HLF: variants seen among roughly 807,000 people sequenced by gnomAD.
HLF encodes HLF transcription factor, PAR bZIP family member.
A neutral mutation model predicts 22.6 loss-of-function variants in HLF; 3 were observed. The ratio of observed to expected loss-of-function variants is 0.13; its 90% CI spans 0.06 to 0.34. HLF has a LOEUF of 0.34. HLF is among the 10% of genes least tolerant of loss of function. HLF has a pLI of 1.00. For synonymous variants in HLF, 151 were observed against 151.8 expected (o/e 0.99, Z 0.04); for missense variants, 299 against 389.2 (o/e 0.77, Z 1.95).
At chr17:55,284,444 A>C (rs2080982700) in intron 2 of HLF, among the ~76,000 whole-genome samples, 1 of 152,194 alleles carries the variant, frequency 6.6e-6, no homozygotes, top group Admixed American at 6.5e-5. Flanking sequence ...TGAGCTCTGC[A>C]TACGGTTAAC....
In HLF at chr17:55,305,019, T is replaced by C. The variant is rs1050010395; in HGVS notation, c.452-10208T>C. Among the ~76,000 whole-genome samples the C allele has an allele frequency of 2.0e-5, 3 of 152,236 alleles. No individual in the cohort carries two copies. The East Asian group carries it at 5.8e-4, about 29-fold the overall frequency. ...TGAAACAGGGTTCAAAATGTCTGTC[T>C]GCCCAAACCAAACGTTAATTTGCAT... On this transcript the variant is annotated intron_variant, in intron 2 of 3. Transcript: ENST00000226067.
At chr17:55,298,412 T>C (rs1234778831) in intron 2 of HLF, among the ~76,000 whole-genome samples, 1 of 152,210 alleles carries the variant, frequency 6.6e-6, no homozygotes, top group East Asian at 1.9e-4. Context: ...TTCATATATA[T>C]GGTCTGTTTA....
Position 55,309,834 on chromosome 17 carries a change from A to G in HLF, c.452-5393A>G, listed in dbSNP as rs1055708843. ...CATCAGAAAGATTGGAGGTGTTGCA[A>G]TTAGCCTTTAGGATGAAATAATAAG... On this transcript the variant is annotated intron_variant, in intron 2 of 3. Coordinates refer to ENST00000226067, the MANE Select transcript of HLF (RefSeq NM_002126.5). Among the ~76,000 whole-genome samples the G allele has an allele frequency of 5.3e-5, 8 of 152,210 alleles. No homozygotes were observed. The East Asian group carries it at 5.8e-4, about 11-fold the overall frequency.
At chr17:55,292,957 G>A (rs114520864) in intron 2 of HLF, among the ~76,000 whole-genome samples, 1,925 of 152,318 alleles carry the variant, frequency 0.013, 44 homozygotes, top group African/African-American at 0.044. Flanking sequence ...CATGGAGGTA[G>A]ACAGTAGAAT....
At chr17:55,277,445 C>G (rs1004898484) in intron 2 of HLF, among the ~76,000 whole-genome samples, 1 of 151,964 alleles carries the variant, frequency 6.6e-6, no homozygotes, top group African/African-American at 2.4e-5. Context: ...AGTTTTACTC[C>G]TGGGAAACAA....
In HLF at chr17:55,323,524, TAATAA is replaced by T. The variant is rs1905337492; in HGVS notation, c.*2649_*2653del. 3 of 218,870 alleles carry T rather than the reference TAATAA, an allele frequency of 1.4e-5. No homozygotes were observed. In the South Asian group the frequency reaches 5.6e-4, roughly 41 times the overall value. 13.6% of individuals were successfully genotyped at this position (218,870 alleles called of 1,614,324 possible). A position where few individuals can be genotyped will look rare whatever the true frequency, so the allele number is the denominator to read the frequency against. On this transcript the variant is annotated 3_prime_UTR_variant, in exon 4 of 4. Coordinates refer to ENST00000226067, the MANE Select transcript of HLF (RefSeq NM_002126.5). ...TCTGCAGAAAAAAATAAAAAGATTC[TAATAA>T]AATGTATTCTCTTGTGTGCCAGGAG... is the stretch of plus-strand genomic sequence containing the variant.
chr17:55,285,632 T>C (rs1312182244), intron 2 of HLF, among the ~76,000 whole-genome samples: 1 of 152,194 alleles, frequency 6.6e-6, no homozygotes. Flanking sequence ...AGAAATCTGC[T>C]TGGGCTGCCT....
chr17:55,295,813 T>A (rs931562283), intron 2 of HLF, among the ~76,000 whole-genome samples: 1 of 152,072 alleles, frequency 6.6e-6, no homozygotes, highest in African/African-American at 2.4e-5. Flanking sequence ...GATAAGAAGA[T>A]GAGTAAATCA....
intron 2 of HLF, among the ~76,000 whole-genome samples, chr17:55,295,823 A>G (rs776888525): frequency 2.6e-5 from 4 of 152,238 alleles, no homozygotes; most frequent in Admixed American, 2.0e-4. Flanking sequence ...TGAGTAAATC[A>G]GAGAAAAGAC....
chr17:55,269,891 T>A (rs2080836560), intron 2 of HLF, among the ~76,000 whole-genome samples: 1 of 152,254 alleles, frequency 6.6e-6, no homozygotes, highest in South Asian at 2.1e-4. Context: ...TGTAATCAAC[T>A]GACAAGTATT....
intron 2 of HLF, among the ~76,000 whole-genome samples, chr17:55,286,857 T>G (rs1014267499): frequency 6.6e-6 from 1 of 152,176 alleles, no homozygotes; most frequent in African/African-American, 2.4e-5. Context: ...CCAGGCTGCT[T>G]CTTCCTTCCA....
At chr17:55,279,964 G>A (rs562902817) in intron 2 of HLF, among the ~76,000 whole-genome samples, 1 of 152,228 alleles carries the variant, frequency 6.6e-6, no homozygotes, top group Admixed American at 6.5e-5. Flanking sequence ...CAAAGGTGGT[G>A]GGATCTACCA....
chr17:55,277,628 G>GT (rs1257370081), intron 2 of HLF, among the ~76,000 whole-genome samples: 1 of 151,938 alleles, frequency 6.6e-6, no homozygotes, highest in Non-Finnish European at 1.5e-5. Flanking sequence ...ATCGGATTGG[G>GT]GGGGGTTGGA....
chr17:55,305,723 G>A (rs1432359793), intron 2 of HLF, among the ~76,000 whole-genome samples: 1 of 152,212 alleles, frequency 6.6e-6, no homozygotes, highest in Non-Finnish European at 1.5e-5. Context: ...GTTCTGTGGA[G>A]TGTTGTGCAC....
In HLF at chr17:55,324,534, G is replaced by C. The variant is rs1355617895; in HGVS notation, c.*3655G>C. The stretch of plus-strand genomic sequence containing the variant: ...GATCCCAAGGCATGGGACCAGGCCT[G>C]CTTGCCTATGTGTGATGGCAATTGG... On this transcript the variant is annotated 3_prime_UTR_variant, in exon 4 of 4. Transcript: ENST00000226067. 4.3e-6 allele frequency: 1 copy of C among 232,206 alleles called. No homozygotes were observed. The highest frequency in any genetic ancestry group is 2.2e-5 in the African/African-American group (1 of 45,272). 14.4% of individuals were successfully genotyped at this position (232,206 alleles called of 1,614,324 possible).
intron 2 of HLF, among the ~76,000 whole-genome samples, chr17:55,279,973 C>T (rs530535818): frequency 6.6e-6 from 1 of 152,296 alleles, no homozygotes; most frequent in East Asian, 1.9e-4. Context: ...TGGGATCTAC[C>T]AGCCATATAA....
chr17:55,289,077 T>C (rs1486944629), intron 2 of HLF: 1 of 255,698 alleles, frequency 3.9e-6, no homozygotes, highest in Non-Finnish European at 6.1e-6. Context: ...TTTCTTTGGT[T>C]AATAGATGCA....
intron 2 of HLF, among the ~76,000 whole-genome samples, chr17:55,270,101 T>C (rs1459351253): frequency 1.3e-5 from 2 of 152,188 alleles, no homozygotes; most frequent in South Asian, 2.1e-4. Context: ...CTCAGAAGGC[T>C]TGGAATGCCC....
chr17:55,266,743 G>A, intron 1 of HLF: 1 of 758,964 alleles, frequency 1.3e-6, no homozygotes, highest in Non-Finnish European at 1.6e-6. Context: ...TTTCTCTGAA[G>A]ATGAAACTCA....
Sources: gnomAD v4.1 joint callset for allele counts (sites outside exome capture counted in the v4.1 genomes callset) on GRCh38, gnomAD v4.1.1 for gene constraint, MANE v1.5 for transcripts, NCBI Gene and HGNC (gene_info 2026-07-23, HGNC 2026-07-21) for gene names.